The following HMGXB4 variants were observed in gnomAD, a reference collection of about 807,000 sequenced individuals.
The protein encoded by HMGXB4 is HMG-box containing 4.
HMGXB4 carries 27 observed loss-of-function variants against 63.9 expected under a neutral mutation model. That is an observed-to-expected ratio of 0.42 (90% confidence interval 0.31 to 0.58). The LOEUF is 0.58. Ranked by LOEUF, HMGXB4 falls within the 20% of genes least tolerant of loss-of-function variation. HMGXB4 has a pLI of 0.13. For synonymous variants in HMGXB4, 264 were observed against 265.3 expected (o/e 0.99, Z 0.05); for missense variants, 624 against 700.7 (o/e 0.89, Z 1.24).
At chr22:35,279,132 CTTTTTTTTTTT>C (rs551006065) in intron 5 of HMGXB4, among the ~76,000 whole-genome samples, 10 of 50,826 alleles carry the variant, frequency 2.0e-4, no homozygotes, top group Middle Eastern at 0.021. Context: ...TATGGATTGT[CTTTTTTTTTTT>C]TTTTTTTTTT....
At chr22:35,283,755 A>C (rs954728268) in intron 5 of HMGXB4, among the ~76,000 whole-genome samples, 1 of 151,920 alleles carries the variant, frequency 6.6e-6, no homozygotes, top group East Asian at 1.9e-4. Context: ...GCGCCACTGC[A>C]CTCCAGCCTG....
At chr22:35,289,101 C>G (rs1442279925) in intron 9 of HMGXB4, among the ~76,000 whole-genome samples, 1 of 151,188 alleles carries the variant, frequency 6.6e-6, no homozygotes, top group Admixed American at 6.6e-5. Context: ...GATTGCGCTA[C>G]TGTACTCCAG....
In HMGXB4 at chr22:35,263,205, T is replaced by C; in HGVS notation, c.159T>C (p.Asn53=). 3 of 1,612,728 alleles carry C rather than the reference T, an allele frequency of 1.9e-6. No homozygotes were observed. The highest frequency in any genetic ancestry group is 2.5e-6 in the Non-Finnish European group (3 of 1,179,478). ...EEEEIAAQVR[N]SSKKKLKDSE... is the part of the protein sequence containing the mutation. ...AAGAAATTGCTGCTCAGGTCAGGAA[T>C]TCTTCCAAGAAGAAGTTGAAGGTAA... The change falls in exon 3 of 11, where the codon AAT becomes AAC. Residue 53 remains asparagine, a synonymous_variant. Transcript: ENST00000216106.
At chr22:35,245,205 G>A in the HMGXB4 span, among the ~76,000 whole-genome samples, 1 of 151,994 alleles carries the variant, frequency 6.6e-6, no homozygotes, top group African/African-American at 2.4e-5. Context: ...CCGTCTTCAA[G>A]TTCACTTGTC....
chr22:35,265,419 G>A lies in HMGXB4; in HGVS notation c.1031G>A (p.Arg344Lys). 1 of 1,614,170 alleles carries A rather than the reference G, an allele frequency of 6.2e-7. No homozygotes were observed. The highest frequency in any genetic ancestry group is 8.5e-7 in the Non-Finnish European group (1 of 1,180,028). The change falls in exon 5 of 11, where the codon AGA (arginine) becomes AAA (lysine). Residue 344 changes from arginine (R) to lysine (K), a missense_variant. Physicochemically the swap from Arg to Lys is conservative, Grantham distance 26 (BLOSUM62 2). This residue lies in a region of HMGXB4 where 472 missense variants were observed against 470.6 expected (regional missense o/e 1.00). Coordinates refer to ENST00000216106, the MANE Select transcript of HMGXB4 (RefSeq NM_001003681.3). ...GAGAAGCGACACTCCAAGTCCAAGA[G>A]AAGTTTAGGACTTTCTGCCGTGCCA... is the stretch of plus-strand genomic sequence containing the variant. ...HKEKRHSKSK[R>K]SLGLSAVPVG...
intron 9 of HMGXB4, among the ~76,000 whole-genome samples, chr22:35,289,032 C>T (rs528014344): frequency 3.2e-4 from 48 of 151,934 alleles, no homozygotes; most frequent in Non-Finnish European, 6.3e-4. Flanking sequence ...CCCAGCTACT[C>T]GGGAGGCTGA....
intron 4 of HMGXB4, 155 bp downstream of exon 4, chr22:35,264,029 G>A (rs2146402155): frequency 6.4e-7 from 1 of 1,550,586 alleles, no homozygotes; most frequent in Non-Finnish European, 8.7e-7. Context: ...TGAAGGAGGA[G>A]AGAGGTGGAG....
chr22:35,265,205 C>T lies in HMGXB4; in HGVS notation c.817C>T (p.Gln273Ter). The change falls in exon 5 of 11, where the codon CAG (glutamine) becomes TAG (stop). Residue 273 changes from glutamine to a stop codon, truncating the protein, a stop_gained. Coordinates refer to ENST00000216106, the MANE Select transcript of HMGXB4 (RefSeq NM_001003681.3). LOFTEE classifies it high-confidence loss of function. ...TGAAGGCTGTGGGTCTGACGCCTCC[C>T]AGTTCGCAGAGTCCCACAGTGCTAA... is the stretch of plus-strand genomic sequence containing the variant. ...GPEGCGSDAS[Q>*]FAESHSANLD... is the part of the protein sequence containing the mutation. 6.2e-7 allele frequency: 1 copy of T among 1,614,116 alleles called. No individual in the cohort carries two copies.
At chr22:35,292,953 AG>A (rs1287202691) in intron 9 of HMGXB4, 38 bp from the exon 10 acceptor site, 16 of 1,613,772 alleles carry the variant, frequency 9.9e-6, no homozygotes, top group Non-Finnish European at 1.4e-5. Flanking sequence ...ACACAGCATC[AG>A]GAGTGTGACT....
chr22:35,242,365 T>C, the HMGXB4 span, among the ~76,000 whole-genome samples: 2 of 152,254 alleles, frequency 1.3e-5, no homozygotes, highest in African/African-American at 4.8e-5. Flanking sequence ...TAAAAAGATC[T>C]ATTTGTGGTA....
chr22:35,253,576 T>C (rs182066919), upstream of HMGXB4, among the ~76,000 whole-genome samples: 7 of 151,896 alleles, frequency 4.6e-5, no homozygotes, highest in East Asian at 9.8e-4. Flanking sequence ...TCCCAGCCAA[T>C]TGGAGTTCTT....
intron 7 of HMGXB4, among the ~76,000 whole-genome samples, chr22:35,286,565 C>G (rs150152986): frequency 1.5e-4 from 23 of 152,178 alleles, no homozygotes; most frequent in Non-Finnish European, 2.4e-4. Context: ...ACAGTCATAT[C>G]TGGGCTGGGC....
intron 9 of HMGXB4, among the ~76,000 whole-genome samples, chr22:35,290,395 C>T (rs1924854618): frequency 6.6e-6 from 1 of 151,920 alleles, no homozygotes; most frequent in African/African-American, 2.4e-5. Flanking sequence ...CCTGTAATCC[C>T]AGCACTTTGG....
chr22:35,293,629 C>CT lies in HMGXB4; in HGVS notation c.1786dup (p.Tyr596LeufsTer55). 6.2e-7 allele frequency: 1 copy of CT among 1,612,110 alleles called. No homozygotes were observed. On this transcript the variant is annotated frameshift_variant, in exon 11 of 11. Transcript: ENST00000216106. LOFTEE classifies it high-confidence loss of function. ...CAGTCAAACACATTAGACAACATTG[C>CT]TTACATCATGCCGGGACTGTGACAG...
chr22:35,281,909 G>A (rs901411463), intron 5 of HMGXB4, among the ~76,000 whole-genome samples: 3 of 152,164 alleles, frequency 2.0e-5, no homozygotes, highest in Non-Finnish European at 2.9e-5. Context: ...TTTCAGAATC[G>A]CTTTTGGAAT....
chr22:35,268,961 C>T (rs1017143025), intron 5 of HMGXB4, among the ~76,000 whole-genome samples: 1 of 152,194 alleles, frequency 6.6e-6, no homozygotes, highest in Non-Finnish European at 1.5e-5. Context: ...TTAGAATTAA[C>T]GTCTAAACTC....
At chr22:35,254,972 C>T (rs1187795928), upstream of HMGXB4, among the ~76,000 whole-genome samples, 2 of 152,130 alleles carry the variant, frequency 1.3e-5, no homozygotes, top group East Asian at 3.8e-4. Flanking sequence ...GGGACAGCTA[C>T]TGTTTTTGCC....
At chr22:35,279,598 A>G (rs1924123060) in intron 5 of HMGXB4, among the ~76,000 whole-genome samples, 1 of 147,074 alleles carries the variant, frequency 6.8e-6, no homozygotes, top group Non-Finnish European at 1.5e-5. Flanking sequence ...TGGGAGTTTT[A>G]TAGTTTTGTA....
rs769262061 is a variant in HMGXB4 at position 35,265,192 on chromosome 22, G to A, written c.804G>A (p.Gly268=). The change falls in exon 5 of 11, where the codon GGG becomes GGA. Residue 268 remains glycine, a synonymous_variant. Transcript: ENST00000216106. ...CATCTCCTGGCCCTGAAGGCTGTGG[G>A]TCTGACGCCTCCCAGTTCGCAGAGT... ...AHSSPGPEGC[G]SDASQFAESH... is the part of the protein sequence containing the mutation. 4 of 1,613,996 alleles carry A rather than the reference G, an allele frequency of 2.5e-6. No homozygotes were observed. The highest frequency in any genetic ancestry group is 3.4e-6 in the Non-Finnish European group (4 of 1,180,016).
Sources: allele counts gnomAD v4.1 joint callset (sites outside exome capture counted in the v4.1 genomes callset), GRCh38; gene constraint gnomAD v4.1.1; regional missense constraint gnomAD v4.1.1; transcripts MANE v1.5; gene names NCBI Gene and HGNC (gene_info 2026-07-23, HGNC 2026-07-21).